Variants in CDK14 observed in about 807,000 individuals in gnomAD.
The protein encoded by CDK14 is cyclin dependent kinase 14.
In CDK14, 34 loss-of-function variants were observed where a neutral mutation model predicts 60.7. That is an observed-to-expected ratio of 0.56 (90% confidence interval 0.43 to 0.75). CDK14 has a LOEUF of 0.75. Ranked by LOEUF, CDK14 falls within the 30% of genes least tolerant of loss-of-function variation. The probability of loss-of-function intolerance (pLI) is 0.00; values close to 1 mark genes in which losing one functional copy is unlikely to be tolerated. For missense variants in CDK14, 482 were observed against 564.1 expected (o/e 0.85, Z 1.47); for synonymous variants, 197 against 203.7 (o/e 0.97, Z 0.28).
intron 7 of CDK14, among the ~76,000 whole-genome samples, chr7:90,913,442 A>G (rs898530822): frequency 7.9e-5 from 12 of 152,246 alleles, no homozygotes; most frequent in African/African-American, 2.4e-4. Context: ...TTAACTCACA[A>G]AATGCACATT....
intron 8 of CDK14, among the ~76,000 whole-genome samples, chr7:90,945,397 T>C (rs1351040026): frequency 2.0e-5 from 3 of 152,168 alleles, no homozygotes; most frequent in African/African-American, 4.8e-5. Flanking sequence ...GGGTGTTCGA[T>C]GAAGGGACTG....
At chr7:91,105,828 TAA>T (rs759893599) in intron 12 of CDK14, among the ~76,000 whole-genome samples, 89 of 152,254 alleles carry the variant, frequency 5.8e-4, no homozygotes, top group African/African-American at 2.1e-3. Context: ...ATAAAAAACT[TAA>T]GAGACTATCA....
intron 14 of CDK14, among the ~76,000 whole-genome samples, chr7:91,182,036 T>C (rs1417576715): frequency 1.3e-5 from 2 of 152,146 alleles, no homozygotes; most frequent in Non-Finnish European, 2.9e-5. Context: ...TTCATAGTTA[T>C]AATTCAAATT....
intron 10 of CDK14, among the ~76,000 whole-genome samples, chr7:90,992,214 T>A (rs1795560099): frequency 6.6e-6 from 1 of 152,228 alleles, no homozygotes; most frequent in South Asian, 2.1e-4. Flanking sequence ...ATCACATTAC[T>A]GCTTAAAAAG....
At chr7:90,727,819 C>G (rs1802697343) in intron 3 of CDK14, among the ~76,000 whole-genome samples, 1 of 152,104 alleles carries the variant, frequency 6.6e-6, no homozygotes, top group Admixed American at 6.6e-5. Flanking sequence ...TGGTTAACCT[C>G]TAATCCTATA....
chr7:91,096,645 C>G (rs1584052903), intron 12 of CDK14, among the ~76,000 whole-genome samples: 1 of 152,178 alleles, frequency 6.6e-6, no homozygotes, highest in Non-Finnish European at 1.5e-5. Flanking sequence ...TAGACACCAG[C>G]TCTTTTTTCC....
chr7:91,008,135 A>AAAT (rs1554402995), intron 10 of CDK14, among the ~76,000 whole-genome samples: 1 of 144,410 alleles, frequency 6.9e-6, no homozygotes, highest in Non-Finnish European at 1.5e-5. Flanking sequence ...GCCAAAAAAA[A>AAAT]AAAAAAAAAA....
chr7:91,134,784 A>G (rs1021255329), intron 14 of CDK14, among the ~76,000 whole-genome samples: 1 of 152,026 alleles, frequency 6.6e-6, no homozygotes, highest in African/African-American at 2.4e-5. Flanking sequence ...CTGAGGCAGG[A>G]GAATTGCTTG....
chr7:91,037,451 GGA>G (rs540553113), intron 10 of CDK14, among the ~76,000 whole-genome samples: 4 of 151,898 alleles, frequency 2.6e-5, no homozygotes, highest in Middle Eastern at 3.2e-3. Flanking sequence ...TGAATGTGAG[GGA>G]GAGAGAGCAT....
At chr7:91,127,375 C>T (rs998473481) in intron 14 of CDK14, among the ~76,000 whole-genome samples, 1 of 152,108 alleles carries the variant, frequency 6.6e-6, no homozygotes, top group African/African-American at 2.4e-5. Flanking sequence ...TGCGGCAATT[C>T]GACAGAAGCG....
intron 5 of CDK14, among the ~76,000 whole-genome samples, chr7:90,862,832 A>G (rs1051020833): frequency 1.3e-5 from 2 of 152,182 alleles, no homozygotes; most frequent in Admixed American, 1.3e-4. Flanking sequence ...CTAACTAGAG[A>G]TTAATAACAG....
Position 90,631,585 on chromosome 7 carries a change from A to G in CDK14, c.123+27336A>G, listed in dbSNP as rs558506857. 3.2e-3 allele frequency among the ~76,000 whole-genome samples: 485 copies of G among 152,330 alleles called. 1 individual carries two copies. Among genetic ancestry groups the G allele is most frequent in the Admixed American group, 6.6e-3 (101 of 15,298 alleles). ...TTCTTAGTGATTAACAACCAAACCCATGAAGACTTATAGACTGGGGAGACT... is the reference window on the plus strand; with the variant it reads ...TTCTTAGTGATTAACAACCAAACCCGTGAAGACTTATAGACTGGGGAGACT... On this transcript the variant is annotated intron_variant, in intron 2 of 14. Transcript: ENST00000380050.
intron 10 of CDK14, among the ~76,000 whole-genome samples, chr7:90,995,308 G>C (rs1795653425): frequency 6.6e-6 from 1 of 152,144 alleles, no homozygotes; most frequent in African/African-American, 2.4e-5. Flanking sequence ...GTAAACCTGA[G>C]GCTTGACCTA....
intron 2 of CDK14, among the ~76,000 whole-genome samples, chr7:90,660,630 A>G (rs948293902): frequency 2.0e-5 from 3 of 152,254 alleles, no homozygotes; most frequent in Non-Finnish European, 4.4e-5. Context: ...TGATATATAC[A>G]TACAATATCA....
intron 10 of CDK14, among the ~76,000 whole-genome samples, chr7:91,009,282 A>G (rs1796084206): frequency 6.6e-6 from 1 of 152,116 alleles, no homozygotes; most frequent in Admixed American, 6.6e-5. Flanking sequence ...GTTGATGGAC[A>G]TTTTAGTTTC....
At chr7:90,930,529 CTTTTTTTTTTT>C (rs61187542) in intron 8 of CDK14, among the ~76,000 whole-genome samples, 4 of 81,384 alleles carry the variant, frequency 4.9e-5, no homozygotes, top group South Asian at 4.4e-4. Flanking sequence ...ACAGGCTAAG[CTTTTTTTTTTT>C]TTTTTTTTTT....
chr7:90,634,564 G>A (rs1800088341), intron 2 of CDK14, among the ~76,000 whole-genome samples: 1 of 151,922 alleles, frequency 6.6e-6, no homozygotes, highest in Non-Finnish European at 1.5e-5. Context: ...CCAAGTCTTT[G>A]CTATTGTGAA....
chr7:90,671,121 C>A (rs1801089251), intron 2 of CDK14, among the ~76,000 whole-genome samples: 1 of 151,956 alleles, frequency 6.6e-6, no homozygotes. Flanking sequence ...TAGATGGCTC[C>A]CGTTTCCCAC....
At chr7:90,899,101 A>G (rs1487530279) in intron 6 of CDK14, among the ~76,000 whole-genome samples, 190 bp from the exon 7 acceptor site, 2 of 151,902 alleles carry the variant, frequency 1.3e-5, no homozygotes, top group Admixed American at 1.3e-4. Context: ...GCCGAGAGGG[A>G]AAAATAATGA....
Sources: gnomAD v4.1 joint callset for allele counts (sites outside exome capture counted in the v4.1 genomes callset) on GRCh38, gnomAD v4.1.1 for gene constraint, MANE v1.5 for transcripts, NCBI Gene and HGNC (gene_info 2026-07-23, HGNC 2026-07-21) for gene names.